TLK2: variants seen among roughly 807,000 people sequenced by gnomAD.
The protein encoded by TLK2 is serine/threonine-protein kinase tousled-like 2.
TLK2 carries 6 observed loss-of-function variants against 117.3 expected under a neutral mutation model. The ratio of observed to expected loss-of-function variants is 0.05; its 90% CI spans 0.03 to 0.10. The LOEUF (loss-of-function observed/expected upper bound fraction) is 0.10. TLK2 is among the 10% of genes least tolerant of loss of function. The pLI, the probability that TLK2 is intolerant of heterozygous loss-of-function variation, is 1.00. For missense variants in TLK2, 299 were observed against 901.2 expected (o/e 0.33, Z 8.56); for synonymous variants, 257 against 316.7 (o/e 0.81, Z 2.00).
chr17:62,612,715 A>T lies in TLK2; in HGVS notation c.*150A>T. 2.7e-6 allele frequency: 2 copies of T among 734,102 alleles called. No homozygotes were observed. The highest frequency in any genetic ancestry group is 4.1e-6 in the Non-Finnish European group (2 of 489,982). 45.5% of individuals were successfully genotyped at this position (734,102 alleles called of 1,614,324 possible). Reference sequence around the variant, plus strand: ...CTTGCTTTTTTCCCATCCATAGAGCATGACAGCATCGATTCTCATTGAGGA... The same window carrying T: ...CTTGCTTTTTTCCCATCCATAGAGCTTGACAGCATCGATTCTCATTGAGGA... On this transcript the variant is annotated 3_prime_UTR_variant, in exon 22 of 22. Transcript: ENST00000346027.
At chr17:62,582,749 C>T (rs1358308027) in intron 15 of TLK2, among the ~76,000 whole-genome samples, 1 of 152,272 alleles carries the variant, frequency 6.6e-6, no homozygotes, top group East Asian at 1.9e-4. Context: ...TTTCTTTCAT[C>T]TTCCAAAACT....
intron 20 of TLK2, among the ~76,000 whole-genome samples, chr17:62,607,540 CAAAG>C (rs1226770516): frequency 1.3e-5 from 2 of 151,450 alleles, no homozygotes; most frequent in African/African-American, 4.9e-5. Flanking sequence ...AAAAAAAAGA[CAAAG>C]GAAATGGCAG....
At chr17:62,574,306 CG>C in intron 12 of TLK2, 1 of 1,534,750 alleles carries the variant, frequency 6.5e-7, no homozygotes, top group Non-Finnish European at 8.7e-7. Context: ...CCTTGATGTT[CG>C]TTTAGTAAGT....
chr17:62,515,369 C>T (rs908431396), intron 2 of TLK2, among the ~76,000 whole-genome samples: 14 of 152,172 alleles, frequency 9.2e-5, no homozygotes, highest in Admixed American at 2.6e-4. Flanking sequence ...TTGTATCATA[C>T]GATAATTCCG....
Position 62,560,045 on chromosome 17 carries a change from T to C in TLK2, c.750T>C (p.Asp250=). 1 of 1,610,848 alleles carries C rather than the reference T, an allele frequency of 6.2e-7. No homozygotes were observed. Among genetic ancestry groups the C allele is most frequent in the South Asian group, 1.1e-5 (1 of 90,322 alleles). The change falls in exon 10 of 22, where the codon GAT becomes GAC. Residue 250 remains aspartate (D), a synonymous_variant. Coordinates refer to ENST00000346027, the MANE Select transcript of TLK2 (RefSeq NM_006852.6). Reference sequence around the variant, plus strand: ...ACTGTGATTTGAGACGGCAGATTGATGAACAGCAAAAGATGCTAGAGAAAT... The same window carrying C: ...ACTGTGATTTGAGACGGCAGATTGACGAACAGCAAAAGATGCTAGAGAAAT... ...RANCDLRRQI[D]EQQKMLEKYK...
chr17:62,540,224 C>T (rs1444197873), intron 7 of TLK2, among the ~76,000 whole-genome samples: 1 of 150,196 alleles, frequency 6.7e-6, no homozygotes, highest in Non-Finnish European at 1.5e-5. Flanking sequence ...AGGTGTGGGC[C>T]ACCGTGCCTG....
intron 2 of TLK2, among the ~76,000 whole-genome samples, chr17:62,490,924 T>C (rs2073048493): frequency 6.6e-6 from 1 of 152,214 alleles, no homozygotes; most frequent in South Asian, 2.1e-4. Context: ...TTTTAACTTT[T>C]AGCGACAGGA....
intron 16 of TLK2, among the ~76,000 whole-genome samples, chr17:62,590,155 G>A (rs1231892212): frequency 6.7e-6 from 1 of 149,996 alleles, no homozygotes; most frequent in African/African-American, 2.4e-5. Flanking sequence ...GCACCGGCTG[G>A]GCACGGTGGC....
chr17:62,488,089 C>A (rs1164586404), intron 2 of TLK2, among the ~76,000 whole-genome samples: 2 of 152,020 alleles, frequency 1.3e-5, no homozygotes, highest in Admixed American at 6.6e-5. Flanking sequence ...TGCCCGCCAC[C>A]ATGCCCACCT....
chr17:62,582,899 C>T (rs2081320306), intron 15 of TLK2, among the ~76,000 whole-genome samples: 1 of 152,118 alleles, frequency 6.6e-6, no homozygotes, highest in Admixed American at 6.5e-5. Flanking sequence ...TTATAATCAG[C>T]TTATTTTACT....
chr17:62,550,685 C>T (rs1316393178), intron 7 of TLK2: 2 of 152,216 alleles, frequency 1.3e-5, no homozygotes, highest in Non-Finnish European at 2.9e-5. Flanking sequence ...TGGTAACAGT[C>T]TACTGTGGTC....
At chr17:62,498,390 CTTTTT>C (rs34118887) in intron 2 of TLK2, among the ~76,000 whole-genome samples, 1 of 142,846 alleles carries the variant, frequency 7.0e-6, no homozygotes. Flanking sequence ...GAAAGCCCCC[CTTTTT>C]TTTTTTTTTT....
chr17:62,575,513 A>G (rs927402599), intron 12 of TLK2, among the ~76,000 whole-genome samples: 1 of 152,220 alleles, frequency 6.6e-6, no homozygotes, highest in Non-Finnish European at 1.5e-5. Context: ...TTGATAGGAT[A>G]GATATTTCCC....
chr17:62,538,633 G>A (rs118116011), intron 7 of TLK2, among the ~76,000 whole-genome samples: 6,713 of 152,232 alleles, frequency 0.044, 276 homozygotes, highest in South Asian at 0.21. Context: ...ATCAGCTGAC[G>A]CACTCCGTTA....
At position 62,524,302 on chromosome 17, in the gene TLK2, C is replaced by T. The variant is rs752231503; in HGVS notation, c.334C>T (p.Pro112Ser). ...RSVPPVARSS[P>S]QHSLSNPLPR... Reference sequence around the variant, plus strand: ...TGTTCCACCAGTTGCACGATCCTCACCGCAACATTCCTTATCCAATCCCTT... The same window carrying T: ...TGTTCCACCAGTTGCACGATCCTCATCGCAACATTCCTTATCCAATCCCTT... Residue 112 changes from proline to serine, a missense_variant, in exon 6 of 22, where the codon CCG becomes TCG. By Grantham distance (74) the Pro-to-Ser change is moderately conservative. Transcript: ENST00000346027. 3.1e-6 allele frequency: 5 copies of T among 1,613,742 alleles called. No homozygotes were observed. Among genetic ancestry groups the T allele is most frequent in the South Asian group, 1.1e-5 (1 of 91,050 alleles).
At chr17:62,516,693 C>T (rs2075623636) in intron 2 of TLK2, 2 of 1,607,820 alleles carry the variant, frequency 1.2e-6, no homozygotes, top group South Asian at 1.1e-5. Flanking sequence ...TGTGGACATC[C>T]TTCTTGGCCA....
intron 2 of TLK2, among the ~76,000 whole-genome samples, chr17:62,510,463 A>G (rs2075056902): frequency 6.6e-6 from 1 of 152,202 alleles, no homozygotes; most frequent in Admixed American, 6.5e-5. Context: ...AGTGAGTAAT[A>G]AGAGCAGCTA....
At chr17:62,587,915 T>C (rs1196488104) in intron 16 of TLK2, among the ~76,000 whole-genome samples, 6 of 151,872 alleles carry the variant, frequency 4.0e-5, no homozygotes, top group Non-Finnish European at 5.9e-5. Context: ...TGCTTCTCTT[T>C]AAAAATGCCC....
At chr17:62,478,758 C>CT (rs1170401155), upstream of TLK2, among the ~76,000 whole-genome samples, 1 of 17,440 alleles carries the variant, frequency 5.7e-5, no homozygotes, top group South Asian at 0.017. Context: ...CCAGGACCCC[C>CT]CCCGCCTCCC....
Sources: allele counts gnomAD v4.1 joint callset (sites outside exome capture counted in the v4.1 genomes callset), GRCh38; gene constraint gnomAD v4.1.1; transcripts MANE v1.5; gene names NCBI Gene and HGNC (gene_info 2026-07-23, HGNC 2026-07-21).